The following MROH1 variants were observed in gnomAD, a reference collection of about 807,000 sequenced individuals.
MROH1 encodes maestro heat-like repeat-containing protein family member 1.
In MROH1, 117 loss-of-function variants were observed where a neutral mutation model predicts 116.5. The ratio of observed to expected loss-of-function variants is 1.00; its 90% CI spans 0.86 to 1.17. The LOEUF is 1.17. Ranked by LOEUF, MROH1 falls within the 50% of genes most tolerant of loss-of-function variation. The pLI, the probability that MROH1 is intolerant of heterozygous loss-of-function variation, is 0.00. For synonymous variants in MROH1, 921 were observed against 583.9 expected, an observed-to-expected ratio of 1.58 and a Z score of -8.32; for missense variants, 1,873 against 1,338.5, an observed-to-expected ratio of 1.40 and a Z score of -6.23.
intron 4 of MROH1, chr8:144,175,189 T>A (rs1471505455): frequency 3.5e-5 from 34 of 978,822 alleles, no homozygotes; most frequent in Non-Finnish European, 3.6e-5. Flanking sequence ...GCAGCGGATC[T>A]GGTCGAGTGG....
chr8:144,177,569 G>T (rs1824338255), intron 4 of MROH1, among the ~76,000 whole-genome samples: 1 of 152,208 alleles, frequency 6.6e-6, no homozygotes, highest in African/African-American at 2.4e-5. Flanking sequence ...AGCTGTCAGA[G>T]TGGATGAGGG....
chr8:144,164,777 G>C (rs979115825), intron 3 of MROH1, among the ~76,000 whole-genome samples: 2 of 152,112 alleles, frequency 1.3e-5, no homozygotes, highest in Non-Finnish European at 2.9e-5. Flanking sequence ...AGGCTGTTCA[G>C]GCTGCTGTAA....
At chr8:144,248,843 C>T (rs1391318565) in intron 31 of MROH1, 34 bp from the exon 32 acceptor site, 2 of 773,844 alleles carry the variant, frequency 2.6e-6, no homozygotes, top group Non-Finnish European at 2.4e-6. Context: ...GGGTGCCCCC[C>T]TTCCCTCAAC....
intron 4 of MROH1, among the ~76,000 whole-genome samples, chr8:144,168,916 C>T (rs1272075685): frequency 6.6e-6 from 1 of 152,208 alleles, no homozygotes; most frequent in East Asian, 1.9e-4. Context: ...AGGGCCTTGC[C>T]TTGCTGTGCT....
In MROH1 at chr8:144,192,559, C is replaced by T. The variant is rs771414208; in HGVS notation, c.948+158C>T. The T allele has an allele frequency of 3.1e-5, 22 of 716,952 alleles. 1 individual carries two copies. The highest frequency in any genetic ancestry group is 2.8e-4 in the South Asian group (19 of 67,076). The allele number at this position is 716,952 out of a possible 1,614,324, so 44.4% of individuals were successfully genotyped here. On this transcript the variant is annotated intron_variant, in intron 10 of 43. Transcript: ENST00000326134. ...GAAGGTCACTCGGGTGACTTCTTAGCGATGTGGCGATGCTCTTGCCCTGCC... is the reference window on the plus strand; with the variant it reads ...GAAGGTCACTCGGGTGACTTCTTAGTGATGTGGCGATGCTCTTGCCCTGCC...
In MROH1 at chr8:144,255,484, G is replaced by A. The variant is rs1843573900; in HGVS notation, c.3595-25G>A. The A allele has an allele frequency of 5.1e-6, 4 of 777,110 alleles. No individual in the cohort carries two copies. In the South Asian group the frequency reaches 5.4e-5, roughly 10 times the overall value. The allele number at this position is 777,110 out of a possible 1,614,324, so 48.1% of individuals were successfully genotyped here. On this transcript the variant is annotated intron_variant, in intron 34 of 43. Transcript: ENST00000326134. ...TCTCCTGCGGCCTGGAGGGAGGCAT[G>A]GCCCTGTGATGACTTCTCCCCCAGG...
At chr8:144,154,424 T>C (rs1443348473) in intron 1 of MROH1, among the ~76,000 whole-genome samples, 3 of 152,100 alleles carry the variant, frequency 2.0e-5, no homozygotes, top group African/African-American at 7.2e-5. Context: ...TGGCACTTTG[T>C]ATGGGTCCCA....
intron 1 of MROH1, among the ~76,000 whole-genome samples, chr8:144,151,333 G>C (rs1323676837): frequency 6.6e-6 from 1 of 151,116 alleles, no homozygotes; most frequent in African/African-American, 2.4e-5. Flanking sequence ...GGAGCAGATT[G>C]GCGGAAGAAG....
intron 12 of MROH1, chr8:144,212,964 A>T (rs753036954): frequency 1.3e-6 from 1 of 762,524 alleles, no homozygotes; most frequent in Non-Finnish European, 2.5e-6. Context: ...ACTATCCCAT[A>T]ATTACCATTT....
rs867883970 is a variant in MROH1, at chr8:144,202,858, G to A, written c.1141+2317G>A. Reference sequence around the variant, plus strand: ...ACCCGCTCTCTGTGGAGGGGCGGGGGGGGGAGCGCCCAATGTCTGTGGAGG... The same window carrying A: ...ACCCGCTCTCTGTGGAGGGGCGGGGAGGGGAGCGCCCAATGTCTGTGGAGG... On this transcript the variant is annotated intron_variant, in intron 12 of 43. Coordinates refer to ENST00000326134, the MANE Select transcript of MROH1 (RefSeq NM_032450.3). Among the ~76,000 whole-genome samples the A allele has an allele frequency of 7.6e-4, 57 of 75,252 alleles. 5 individuals carry two copies. The highest frequency in any genetic ancestry group is 1.3e-3 in the Non-Finnish European group (45 of 35,458). The allele number at this position is 75,252 out of a possible 152,430, so 49.4% of individuals were successfully genotyped here. A position where few individuals can be genotyped will look rare whatever the true frequency, so the allele number is the denominator to read the frequency against.
At chr8:144,174,007 C>G (rs116860357) in intron 4 of MROH1, among the ~76,000 whole-genome samples, 3,650 of 152,200 alleles carry the variant, frequency 0.024, 70 homozygotes, top group Admixed American at 0.041. Flanking sequence ...GTCAGGCTGT[C>G]TCTTCGCCCA....
At chr8:144,160,783 G>A (rs1341162278) in intron 1 of MROH1, among the ~76,000 whole-genome samples, 187 bp from the exon 2 acceptor site, 1 of 150,540 alleles carries the variant, frequency 6.6e-6, no homozygotes, top group East Asian at 1.9e-4. Context: ...AGTCTACAAG[G>A]GTCCCACCGG....
intron 14 of MROH1, among the ~76,000 whole-genome samples, chr8:144,234,895 T>TTG (rs1839786575): frequency 1.4e-5 from 2 of 140,312 alleles, no homozygotes; most frequent in Admixed American, 1.4e-4. Flanking sequence ...TTCTTTCTTT[T>TTG]TTTTTTTTTT....
chr8:144,223,029 T>A lies in MROH1; in HGVS notation c.1216-79T>A, dbSNP rs926927812. ...GTGTGGATGTGGGTGGGAGGAAGAC[T>A]GAGGTTCCTCTCTGCTGGCTGGACT... On this transcript the variant is annotated intron_variant, in intron 13 of 43. Transcript: ENST00000326134. The A allele has an allele frequency of 1.6e-5, 25 of 1,581,416 alleles. No homozygotes were observed. The East Asian group carries it at 3.4e-4, about 21-fold the overall frequency.
At chr8:144,213,215 T>A (rs1450405705) in intron 12 of MROH1, 1 of 685,876 alleles carries the variant, frequency 1.5e-6, no homozygotes, top group African/African-American at 1.7e-5. Flanking sequence ...AGCCCCATCC[T>A]CTGTTCATGG....
At chr8:144,150,417 A>T (rs1046946420) in intron 1 of MROH1, among the ~76,000 whole-genome samples, 53 of 152,154 alleles carry the variant, frequency 3.5e-4, no homozygotes, top group African/African-American at 1.3e-3. Context: ...CATTATATAC[A>T]TGTGTGTGTA....
Position 144,255,528 on chromosome 8 carries a change from A to G in MROH1, c.3614A>G (p.Glu1205Gly). ...CCCCAGGCTACCTGTGCACTGTTTG[A>G]GGTCATGTCCACGCCTGCAGCGGGG... is the stretch of plus-strand genomic sequence containing the variant. Reference protein sequence around the residue: ...LPLSATCALFEVMSTPAAGPA... With the variant: ...LPLSATCALFGVMSTPAAGPA... The change falls in exon 35 of 44, where the codon GAG becomes GGG. Residue 1205 changes from glutamate (E) to glycine (G), a missense_variant. Transcript: ENST00000326134. 2.6e-6 allele frequency: 2 copies of G among 779,026 alleles called. No homozygotes were observed. Among genetic ancestry groups the G allele is most frequent in the Non-Finnish European group, 4.8e-6 (2 of 417,768 alleles). The allele number at this position is 779,026 out of a possible 1,614,324, so 48.3% of individuals were successfully genotyped here. A position where few individuals can be genotyped will look rare whatever the true frequency, so the allele number is the denominator to read the frequency against.
chr8:144,261,234 C>A lies in MROH1; in HGVS notation c.4774+18C>A, dbSNP rs1378271917. ...GTTCACCGGTAAGCACCACCCCCTG[C>A]CCCACCCCCACGCCGCCCGGCAGCC... On this transcript the variant is annotated intron_variant, in intron 42 of 43. Transcript: ENST00000326134. The A allele has an allele frequency of 5.4e-5, 41 of 762,370 alleles. No homozygotes were observed. The highest frequency in any genetic ancestry group is 1.2e-5 in the Non-Finnish European group (5 of 417,432). The allele number at this position is 762,370 out of a possible 1,614,324, so 47.2% of individuals were successfully genotyped here. A position where few individuals can be genotyped will look rare whatever the true frequency, so the allele number is the denominator to read the frequency against.
intron 26 of MROH1, 118 bp from the exon 27 acceptor site, chr8:144,244,104 T>C (rs1841477906): frequency 5.7e-6 from 4 of 699,104 alleles, no homozygotes; most frequent in South Asian, 4.6e-5. Flanking sequence ...GGTGCCGCCA[T>C]GGTCTGGAGC....
Sources: gnomAD v4.1 joint callset for allele counts (sites outside exome capture counted in the v4.1 genomes callset) on GRCh38, gnomAD v4.1.1 for gene constraint, MANE v1.5 for transcripts, NCBI Gene and HGNC (gene_info 2026-07-23, HGNC 2026-07-21) for gene names.